The following DIP2A variants were observed in gnomAD, a reference collection of about 807,000 sequenced individuals.
DIP2A encodes DIP2 acetate--CoA ligase A, also known as disco-interacting protein 2 homolog A.
A neutral mutation model predicts 177.4 loss-of-function variants in DIP2A; 85 were observed. That is an observed-to-expected ratio of 0.48 (90% CI 0.40 to 0.57). DIP2A has a LOEUF of 0.57. Ranked by LOEUF, DIP2A falls within the 20% of genes least tolerant of loss-of-function variation. DIP2A has a pLI of 0.00. For synonymous variants in DIP2A, 886 were observed against 881.8 expected (o/e 1.00, Z -0.08); for missense variants, 1,791 against 2,100.2 (o/e 0.85, Z 2.88).
At chr21:46,500,527 A>C (rs1056345718) in intron 5 of DIP2A, among the ~76,000 whole-genome samples, 4 of 152,250 alleles carry the variant, frequency 2.6e-5, no homozygotes, top group African/African-American at 9.6e-5. Flanking sequence ...GGAAAACAGT[A>C]GTTTTAAATG....
chr21:46,491,849 C>G (rs1430644519), intron 3 of DIP2A, among the ~76,000 whole-genome samples: 1 of 152,170 alleles, frequency 6.6e-6, no homozygotes, highest in Non-Finnish European at 1.5e-5. Flanking sequence ...GAAGTTTATA[C>G]TAGGTGTATT....
chr21:46,527,804 C>T (rs1253308566), intron 8 of DIP2A, among the ~76,000 whole-genome samples: 3 of 152,062 alleles, frequency 2.0e-5, no homozygotes, highest in Non-Finnish European at 4.4e-5. Flanking sequence ...CTTTGTGTTG[C>T]TTCTTTGATA....
intron 8 of DIP2A, among the ~76,000 whole-genome samples, chr21:46,517,780 C>T (rs2058652776): frequency 6.6e-6 from 1 of 152,246 alleles, no homozygotes; most frequent in Admixed American, 6.5e-5. Flanking sequence ...CAGGTTTCTT[C>T]ATGTCCTGGT....
intron 5 of DIP2A, among the ~76,000 whole-genome samples, chr21:46,503,362 C>G (rs998765108): frequency 1.3e-5 from 2 of 148,982 alleles, no homozygotes; most frequent in African/African-American, 4.9e-5. Flanking sequence ...ATTGTGGTCT[C>G]TTAGTTTTGC....
At chr21:46,577,229 G>A in the DIP2A span, among the ~76,000 whole-genome samples, 1 of 152,288 alleles carries the variant, frequency 6.6e-6, no homozygotes, top group East Asian at 1.9e-4. Flanking sequence ...GAATGGTATT[G>A]CCTAGATTTT....
chr21:46,578,918 G>A, the DIP2A span, among the ~76,000 whole-genome samples: 1 of 152,134 alleles, frequency 6.6e-6, no homozygotes, highest in South Asian at 2.1e-4. Context: ...CTGAAGTTTT[G>A]TTTTTTTGTT....
intron 1 of DIP2A, among the ~76,000 whole-genome samples, chr21:46,470,588 T>C (rs916673148): frequency 7.9e-5 from 12 of 151,770 alleles, no homozygotes; most frequent in African/African-American, 2.7e-4. Flanking sequence ...CTGACCAATA[T>C]GGTGAAACCG....
downstream of DIP2A, among the ~76,000 whole-genome samples, chr21:46,572,554 G>A (rs1387855076): frequency 6.6e-6 from 1 of 152,070 alleles, no homozygotes; most frequent in Non-Finnish European, 1.5e-5. Flanking sequence ...CATGGGAATG[G>A]GGCTGATGGC....
chr21:46,498,700 G>T lies in DIP2A; in HGVS notation c.522G>T (p.Ser174=). The T allele has an allele frequency of 6.2e-7, 1 of 1,613,760 alleles. No individual in the cohort carries two copies. The highest frequency in any genetic ancestry group is 1.1e-5 in the South Asian group (1 of 91,082). The change falls in exon 5 of 38, where the codon TCG becomes TCT. Residue 174 remains serine (S), a synonymous_variant. Coordinates refer to ENST00000417564, the MANE Select transcript of DIP2A (RefSeq NM_015151.4). This position sits in a 1 kb window ranked among gnomAD's most constrained non-coding sequence, Gnocchi z 4.3. Reference sequence around the variant, plus strand: ...GGCTCGACCGGGTCATTCAGGGCTCGTCCACCTCATCCTCTGCATCCTCCA... The same window carrying T: ...GGCTCGACCGGGTCATTCAGGGCTCTTCCACCTCATCCTCTGCATCCTCCA... The part of the protein sequence containing the change: ...EPWLDRVIQG[S]STSSSASSTS...
intron 6 of DIP2A, 135 bp from the exon 7 acceptor site, chr21:46,509,122 C>A: frequency 1.1e-6 from 1 of 901,792 alleles, no homozygotes. Flanking sequence ...TCCAAAATGA[C>A]TGTCCAGTGG....
At position 46,556,631 on chromosome 21, in the gene DIP2A, C is replaced by G; in HGVS notation, c.3499-308C>G. The G allele has an allele frequency of 2.7e-6, 1 of 369,884 alleles. No individual in the cohort carries two copies. Among genetic ancestry groups the G allele is most frequent in the Non-Finnish European group, 5.1e-6 (1 of 195,734 alleles). The allele number at this position is 369,884 out of a possible 1,614,324, so 22.9% of individuals were successfully genotyped here. A position where few individuals can be genotyped will look rare whatever the true frequency, so the allele number is the denominator to read the frequency against. On this transcript the variant is annotated intron_variant, in intron 29 of 37. Transcript: ENST00000417564. The surrounding 1 kb of genome is among the most constrained non-coding windows in gnomAD (Gnocchi z 4.5). ...CCGGGAGGCAGAGGTTGCAGTGAGCCGAGATTGTGCCATTGCACTCCAGCC... is the reference window on the plus strand; with the variant it reads ...CCGGGAGGCAGAGGTTGCAGTGAGCGGAGATTGTGCCATTGCACTCCAGCC...
intron 18 of DIP2A, among the ~76,000 whole-genome samples, chr21:46,543,467 G>A (rs1451242684): frequency 3.3e-5 from 5 of 150,912 alleles, no homozygotes; most frequent in African/African-American, 1.2e-4. Flanking sequence ...TCCACCAGAC[G>A]TGCATGCAGC....
At chr21:46,524,777 C>T (rs2058988857) in intron 8 of DIP2A, among the ~76,000 whole-genome samples, 1 of 151,416 alleles carries the variant, frequency 6.6e-6, no homozygotes, top group South Asian at 2.1e-4. Flanking sequence ...TGCGAGAGTT[C>T]TCTCCCTCTT....
At chr21:46,546,223 T>C in intron 20 of DIP2A, 1 of 1,290,702 alleles carries the variant, frequency 7.7e-7, no homozygotes, top group Non-Finnish European at 9.8e-7. Flanking sequence ...TTATATGGAG[T>C]GGCAGGTTTG....
chr21:46,477,543 T>TTTTTTTTTGTGTGTGTGTG (rs374607636), intron 1 of DIP2A, among the ~76,000 whole-genome samples: 1 of 87,094 alleles, frequency 1.1e-5, no homozygotes, highest in Admixed American at 1.4e-4. Context: ...AAAAAAAGAT[T>TTTTTTTTTGTGTGTGTGTG]TGTGTGTGTG....
At position 46,490,708 on chromosome 21, in the gene DIP2A, G is replaced by A. The variant is rs780206057; in HGVS notation, c.272G>A (p.Arg91His). ...KSRPTASRDE[R>H]FRSDVHTEAV... ...CGGCCCACCGCCTCGAGGGATGAGC[G>A]CTTCCGGTCAGGTAGGGTCACAGCC... Residue 91 changes from arginine to histidine, a missense_variant, in exon 3 of 38, where the codon CGC becomes CAC. Coordinates refer to ENST00000417564, the MANE Select transcript of DIP2A (RefSeq NM_015151.4). 1.5e-5 allele frequency: 24 copies of A among 1,579,360 alleles called. No homozygotes were observed. Among genetic ancestry groups the A allele is most frequent in the Middle Eastern group, 1.7e-4 (1 of 6,028 alleles).
chr21:46,566,753 A>C (rs1159226237), intron 37 of DIP2A, 70 bp downstream of exon 37: 4 of 1,594,456 alleles, frequency 2.5e-6, no homozygotes, highest in Non-Finnish European at 3.4e-6. Flanking sequence ...AGTGCTGTGC[A>C]TCGGTTGGAG....
chr21:46,550,929 C>T (rs763989965), intron 23 of DIP2A, among the ~76,000 whole-genome samples, 185 bp downstream of exon 23: 8 of 152,226 alleles, frequency 5.3e-5, no homozygotes, highest in Non-Finnish European at 8.8e-5. Context: ...GAACCAGCCA[C>T]GCATGGGGGA....
rs533065272 is a variant in DIP2A, at chr21:46,554,790, C to T, written c.3277-32C>T. 1.7e-3 allele frequency: 848 copies of T among 494,022 alleles called. 2 individuals are homozygous for T. Among genetic ancestry groups the T allele is most frequent in the Non-Finnish European group, 3.1e-3 (802 of 261,430 alleles). 30.6% of individuals were successfully genotyped at this position (494,022 alleles called of 1,614,324 possible). On this transcript the variant is annotated intron_variant, in intron 27 of 37. Transcript: ENST00000417564. Reference sequence around the variant, plus strand: ...CTTTTCTGGGCAGCTTGAGAGGCCCCGCCCACCCACCCTTGGCCCCTCGCC... The same window carrying T: ...CTTTTCTGGGCAGCTTGAGAGGCCCTGCCCACCCACCCTTGGCCCCTCGCC...
Sources: allele counts gnomAD v4.1 joint callset (sites outside exome capture counted in the v4.1 genomes callset), GRCh38; gene constraint gnomAD v4.1.1; non-coding constraint Gnocchi (gnomAD v3.1); transcripts MANE v1.5; gene names NCBI Gene and HGNC (gene_info 2026-07-23, HGNC 2026-07-21).